The following G3BP2 variants were observed in gnomAD, a reference collection of about 807,000 sequenced individuals.
G3BP2 encodes the protein G3BP stress granule assembly factor 2.
Under a neutral mutation model 56.7 loss-of-function variants are expected in G3BP2, and 11 were observed. The ratio of observed to expected loss-of-function variants is 0.19; its 90% CI spans 0.12 to 0.32. G3BP2 has a LOEUF of 0.32. G3BP2 is among the 10% of genes least tolerant of loss of function. G3BP2 has a pLI of 1.00. For synonymous variants in G3BP2, 165 were observed against 191.6 expected (o/e 0.86, Z 1.15); for missense variants, 340 against 610.9 (o/e 0.56, Z 4.67).
chr4:75,689,640 T>C (rs1234615615), intron 3 of G3BP2, among the ~76,000 whole-genome samples: 2 of 152,186 alleles, frequency 1.3e-5, no homozygotes, highest in African/African-American at 2.4e-5. Context: ...CCCAAACAAA[T>C]CCTTCAGGAT....
intron 8 of G3BP2, among the ~76,000 whole-genome samples, chr4:75,650,450 C>T (rs974124626): frequency 1.2e-4 from 14 of 119,258 alleles, no homozygotes; most frequent in East Asian, 2.1e-4. Context: ...AAAAAAGCTT[C>T]TTTCAAAAAT....
At chr4:75,704,752 C>G (rs1434451080) in intron 3 of G3BP2, among the ~76,000 whole-genome samples, 1 of 152,188 alleles carries the variant, frequency 6.6e-6, no homozygotes, top group Non-Finnish European at 1.5e-5. Context: ...TCTGCCTCAG[C>G]CTCCCAAATA....
rs1409537121 is a variant in G3BP2 at position 75,645,037 on chromosome 4, T to G, written c.*393A>C. ...AAGAAAAAAGGCAAGATTCTCCAAT[T>G]GCACAAATTGCACTATTTGTGTTCC... is the stretch of plus-strand genomic sequence containing the variant. On this transcript the variant is annotated 3_prime_UTR_variant, in exon 12 of 12. Transcript: ENST00000359707. 1 of 182,612 alleles carries G rather than the reference T, an allele frequency of 5.5e-6. No homozygotes were observed. The highest frequency in any genetic ancestry group is 1.7e-4 in the East Asian group (1 of 5,968). The allele number at this position is 182,612 out of a possible 1,614,324, so 11.3% of individuals were successfully genotyped here.
At chr4:75,671,841 G>GAT (rs898356893) in intron 1 of G3BP2, among the ~76,000 whole-genome samples, 2 of 152,184 alleles carry the variant, frequency 1.3e-5, no homozygotes, top group African/African-American at 4.8e-5. Flanking sequence ...AGGAATCTTG[G>GAT]ATTATCAAAA....
chr4:75,649,783 G>A (rs951426676), intron 8 of G3BP2, among the ~76,000 whole-genome samples: 7 of 152,274 alleles, frequency 4.6e-5, no homozygotes, highest in South Asian at 2.1e-4. Context: ...GCCAAGCTGC[G>A]CGGATCACCT....
intron 8 of G3BP2, among the ~76,000 whole-genome samples, chr4:75,651,505 A>C (rs926174819): frequency 6.6e-6 from 1 of 152,234 alleles, no homozygotes; most frequent in Non-Finnish European, 1.5e-5. Flanking sequence ...CTTTAAGTAG[A>C]TATCTGATGA....
intron 6 of G3BP2, 77 bp from the exon 7 acceptor site, chr4:75,655,323 G>A (rs1732009545): frequency 3.0e-6 from 3 of 998,912 alleles, no homozygotes; most frequent in Admixed American, 4.5e-5. Context: ...AATCCAATGG[G>A]TGTAACTAGT....
At chr4:75,652,180 T>C (rs1731744841) in intron 8 of G3BP2, among the ~76,000 whole-genome samples, 1 of 152,208 alleles carries the variant, frequency 6.6e-6, no homozygotes. Flanking sequence ...ACTTTGAAAA[T>C]ATATTTAAGG....
rs563117137 is a variant in G3BP2, at chr4:75,719,021, T to A, written c.-25+1856A>T. 2.6e-5 allele frequency among the ~76,000 whole-genome samples: 4 copies of A among 152,326 alleles called. No homozygotes were observed. The East Asian group carries it at 7.7e-4, about 29-fold the overall frequency. On this transcript the variant is annotated intron_variant, in intron 3 of 3. Coordinates refer to the G3BP2 transcript ENST00000499709. ...TAACATGAGCTAGTAGGGCTGGAGT[T>A]GAAGACTTACAGGGTAATATCTTTA...
chr4:75,665,903 A>G (rs2137429), intron 1 of G3BP2, among the ~76,000 whole-genome samples: 1 of 152,006 alleles, frequency 6.6e-6, no homozygotes, highest in East Asian at 1.9e-4. Context: ...ATTGATAGTG[A>G]CAGAAATACT....
intron 8 of G3BP2, among the ~76,000 whole-genome samples, chr4:75,650,224 C>T (rs1004350775): frequency 1.6e-4 from 24 of 152,094 alleles, no homozygotes; most frequent in Admixed American, 1.4e-3. Flanking sequence ...CACCTGAGGT[C>T]GGGAGTTCGA....
intron 3 of G3BP2, among the ~76,000 whole-genome samples, chr4:75,690,433 CAAA>C (rs34459285): frequency 7.9e-6 from 1 of 127,122 alleles, no homozygotes. Context: ...ACTCCATCTC[CAAA>C]AAAAAAAAAA....
At chr4:75,650,299 T>C (rs1358327860) in intron 8 of G3BP2, among the ~76,000 whole-genome samples, 1 of 151,688 alleles carries the variant, frequency 6.6e-6, no homozygotes, top group East Asian at 2.0e-4. Context: ...CCGGGTGTGG[T>C]GGCACATGCC....
rs116454400 is a variant in G3BP2, at chr4:75,719,503, C to A, written c.-25+1374G>T. Among the ~76,000 whole-genome samples the A allele has an allele frequency of 5.6e-3, 856 of 152,162 alleles. 16 individuals carry two copies. Among genetic ancestry groups the A allele is most frequent in the African/African-American group, 0.019 (799 of 41,512 alleles). On this transcript the variant is annotated intron_variant, in intron 3 of 3. Transcript: ENST00000499709. The stretch of plus-strand genomic sequence containing the variant: ...TCCCAAAAACAACCACAGGAGGCAA[C>A]AATTACCATTCCTTTAAAAAAAAGT...
intron 6 of G3BP2, among the ~76,000 whole-genome samples, 170 bp from the exon 7 acceptor site, chr4:75,655,416 T>C (rs1183481253): frequency 1.3e-5 from 2 of 152,182 alleles, no homozygotes; most frequent in African/African-American, 4.8e-5. Context: ...GGAATAATAC[T>C]CTCAAGTAGC....
rs1397133123 is a variant in G3BP2 at position 75,643,252 on chromosome 4, GA to G, written c.*2177del. 7.1e-6 allele frequency: 1 copy of G among 141,444 alleles called. No homozygotes were observed. Among genetic ancestry groups the G allele is most frequent in the Non-Finnish European group, 1.5e-5 (1 of 65,312 alleles). 8.8% of individuals were successfully genotyped at this position (141,444 alleles called of 1,614,324 possible). A position where few individuals can be genotyped will look rare whatever the true frequency, so the allele number is the denominator to read the frequency against. ...ACATTTGTCATTACTTTTGGTGCCAGAACAGTTTTCATGGATGGCAGGGCAA... is the reference window on the plus strand; with the variant it reads ...ACATTTGTCATTACTTTTGGTGCCAGACAGTTTTCATGGATGGCAGGGCAA... On this transcript the variant is annotated 3_prime_UTR_variant, in exon 12 of 12. Transcript: ENST00000359707.
intron 3 of G3BP2, among the ~76,000 whole-genome samples, chr4:75,707,364 G>A (rs1015822220): frequency 2.6e-5 from 4 of 151,670 alleles, no homozygotes; most frequent in African/African-American, 9.7e-5. Flanking sequence ...GCTCACGCTT[G>A]TAATCCCAGC....
At chr4:75,694,493 G>C (rs1719016762) in intron 3 of G3BP2, among the ~76,000 whole-genome samples, 1 of 152,198 alleles carries the variant, frequency 6.6e-6, no homozygotes, top group African/African-American at 2.4e-5. Context: ...AGTCCCAGCT[G>C]TGCGGAAAGC....
At chr4:75,663,767 G>A (rs1031438669) in intron 1 of G3BP2, among the ~76,000 whole-genome samples, 1 of 151,830 alleles carries the variant, frequency 6.6e-6, no homozygotes, top group Non-Finnish European at 1.5e-5. Context: ...GGCTGAGGCA[G>A]AGAATTGCTT....
Sources: allele counts gnomAD v4.1 joint callset (sites outside exome capture counted in the v4.1 genomes callset), GRCh38; gene constraint gnomAD v4.1.1; transcripts MANE v1.5; gene names NCBI Gene and HGNC (gene_info 2026-07-23, HGNC 2026-07-21).